UQCC1: variants seen among roughly 807,000 people sequenced by gnomAD.
UQCC1 encodes bFGF-repressed Zic-binding protein.
UQCC1 carries 38 observed loss-of-function variants against 48.0 expected under a neutral mutation model. That is an observed-to-expected ratio of 0.79 (90% CI 0.61 to 1.04). The LOEUF (loss-of-function observed/expected upper bound fraction) is 1.04. Ranked by LOEUF, UQCC1 falls within the 50% of genes least tolerant of loss-of-function variation. The pLI, the probability that UQCC1 is intolerant of heterozygous loss-of-function variation, is 0.00. For missense variants in UQCC1, 368 were observed against 381.8 expected (o/e 0.96, Z 0.30); for synonymous variants, 111 against 129.2 (o/e 0.86, Z 0.95).
intron 6 of UQCC1, among the ~76,000 whole-genome samples, chr20:35,363,028 T>TAAAAA (rs60988214): frequency 9.2e-4 from 74 of 80,478 alleles, no homozygotes; most frequent in African/African-American, 1.9e-3. Flanking sequence ...TCCTTAAAAC[T>TAAAAA]AAAAAAAAAA....
At chr20:35,407,947 A>T (rs1568719467) in intron 1 of UQCC1, among the ~76,000 whole-genome samples, 1 of 152,178 alleles carries the variant, frequency 6.6e-6, no homozygotes, top group Non-Finnish European at 1.5e-5. Context: ...ACTTGAACTC[A>T]GGAGGCAGAG....
chr20:35,360,118 A>G (rs2061590038), intron 6 of UQCC1, among the ~76,000 whole-genome samples: 1 of 152,184 alleles, frequency 6.6e-6, no homozygotes, highest in Admixed American at 6.5e-5. Flanking sequence ...AGGGTATGCA[A>G]TGCTGGTAAA....
intron 7 of UQCC1, among the ~76,000 whole-genome samples, chr20:35,325,399 TCAGA>T: frequency 6.6e-6 from 1 of 152,364 alleles, no homozygotes; most frequent in South Asian, 2.1e-4. Context: ...ACAGTTCTTC[TCAGA>T]CAGGCATTTC....
chr20:35,334,835 G>A (rs2061298362), intron 7 of UQCC1, among the ~76,000 whole-genome samples: 1 of 152,128 alleles, frequency 6.6e-6, no homozygotes, highest in Admixed American at 6.5e-5. Context: ...CTTAACACAA[G>A]GCTAGCTTTT....
chr20:35,404,687 G>GAAA (rs1266831168), intron 1 of UQCC1, among the ~76,000 whole-genome samples: 1 of 99,368 alleles, frequency 1.0e-5, no homozygotes, highest in African/African-American at 3.7e-5. Flanking sequence ...GCTTGACTCT[G>GAAA]AAAAAAAAAA....
At chr20:35,342,123 C>T (rs545727847) in intron 7 of UQCC1, among the ~76,000 whole-genome samples, 1 of 152,272 alleles carries the variant, frequency 6.6e-6, no homozygotes, top group East Asian at 1.9e-4. Flanking sequence ...AGCAGGGGAC[C>T]ATGAGGTGAC....
At chr20:35,361,878 A>C (rs2061609746) in intron 6 of UQCC1, among the ~76,000 whole-genome samples, 1 of 152,262 alleles carries the variant, frequency 6.6e-6, no homozygotes, top group African/African-American at 2.4e-5. Context: ...ACTTTAAAAT[A>C]ATCTTTAAAA....
At chr20:35,380,781 G>T (rs2061856833) in intron 4 of UQCC1, among the ~76,000 whole-genome samples, 1 of 152,154 alleles carries the variant, frequency 6.6e-6, no homozygotes, top group African/African-American at 2.4e-5. Context: ...TGGTATTACA[G>T]GTTGAGTATT....
chr20:35,333,167 CTTACTATGGCGGCCACAGCCAAGTCCT>C (rs2061276391), intron 7 of UQCC1, among the ~76,000 whole-genome samples: 1 of 152,006 alleles, frequency 6.6e-6, no homozygotes, highest in Admixed American at 6.5e-5. Flanking sequence ...GGGCTTGTGA[CTTACTATGGCGGCCACAGCCAAGTCCT>C]TTAAGTTTTC....
At chr20:35,395,761 T>G (rs2062068548) in intron 1 of UQCC1, among the ~76,000 whole-genome samples, 1 of 152,030 alleles carries the variant, frequency 6.6e-6, no homozygotes, top group Non-Finnish European at 1.5e-5. Flanking sequence ...ATCACATGAA[T>G]GAAGAACTTC....
intron 6 of UQCC1, among the ~76,000 whole-genome samples, chr20:35,351,391 CAA>C (rs11478013): frequency 0.57 from 68,292 of 119,310 alleles, 17,164 homozygotes; most frequent in Non-Finnish European, 0.65. Flanking sequence ...GACTCCATCT[CAA>C]AAAAAAAAAA....
intron 1 of UQCC1, among the ~76,000 whole-genome samples, chr20:35,398,260 T>G (rs775095810): frequency 2.0e-4 from 30 of 152,224 alleles, no homozygotes; most frequent in Non-Finnish European, 3.5e-4. Flanking sequence ...AGGCAGGAAG[T>G]ACTGTTCAGA....
At chr20:35,407,252 A>AC (rs2062265573) in intron 1 of UQCC1, among the ~76,000 whole-genome samples, 1 of 151,774 alleles carries the variant, frequency 6.6e-6, no homozygotes, top group Non-Finnish European at 1.5e-5. Context: ...ACATGGGAAA[A>AC]CCCCCTCTCT....
chr20:35,398,243 T>C (rs983435906), intron 1 of UQCC1, among the ~76,000 whole-genome samples: 2 of 152,170 alleles, frequency 1.3e-5, no homozygotes, highest in African/African-American at 4.8e-5. Flanking sequence ...AAGTGCCACA[T>C]AACTAAAGGC....
At chr20:35,358,029 C>G (rs2061565558) in intron 6 of UQCC1, among the ~76,000 whole-genome samples, 1 of 152,094 alleles carries the variant, frequency 6.6e-6, no homozygotes, top group Non-Finnish European at 1.5e-5. Context: ...TAACACACTT[C>G]CATGCTAAAA....
chr20:35,379,444 T>A (rs570058408), intron 4 of UQCC1, among the ~76,000 whole-genome samples: 2 of 152,360 alleles, frequency 1.3e-5, no homozygotes, highest in South Asian at 4.1e-4. Context: ...AAGTTACACA[T>A]ACATTTTCAC....
chr20:35,346,091 T>TA (rs1350923222), intron 7 of UQCC1: 2 of 151,860 alleles, frequency 1.3e-5, no homozygotes, highest in East Asian at 1.9e-4. Flanking sequence ...CAGCATTCTG[T>TA]AAAAACGCAC....
chr20:35,340,593 T>C (rs889848620), intron 7 of UQCC1, among the ~76,000 whole-genome samples: 11 of 152,128 alleles, frequency 7.2e-5, no homozygotes. Context: ...CAAGTGATCC[T>C]CCCACCTCAG....
At chr20:35,383,175 C>A (rs889544816) in intron 3 of UQCC1, among the ~76,000 whole-genome samples, 2 of 152,150 alleles carry the variant, frequency 1.3e-5, no homozygotes, top group African/African-American at 4.8e-5. Context: ...AAAGGTATCA[C>A]AAATTTTATT....
Sources: gnomAD v4.1 joint callset for allele counts (sites outside exome capture counted in the v4.1 genomes callset) on GRCh38, gnomAD v4.1.1 for gene constraint, MANE v1.5 for transcripts, NCBI Gene and HGNC (gene_info 2026-07-23, HGNC 2026-07-21) for gene names.